The following ANK2 variants were observed in gnomAD, a reference collection of about 807,000 sequenced individuals.
ANK2 encodes ankyrin 2.
Under a neutral mutation model 360.5 loss-of-function variants are expected in ANK2, and 83 were observed. The observed-to-expected ratio is 0.23, with a 90% CI of 0.19 to 0.28. ANK2 has a LOEUF of 0.28. Ranked by LOEUF, ANK2 falls within the 10% of genes least tolerant of loss-of-function variation. The pLI, the probability that ANK2 is intolerant of heterozygous loss-of-function variation, is 1.00. For missense variants in ANK2, 4,201 were observed against 4,795.7 expected (o/e 0.88, Z 3.66); for synonymous variants, 1,740 against 1,759.5 (o/e 0.99, Z 0.28).
intron 1 of ANK2, among the ~76,000 whole-genome samples, chr4:112,851,357 C>T (rs564979351): frequency 2.0e-4 from 31 of 152,246 alleles, no homozygotes; most frequent in Non-Finnish European, 3.8e-4. Context: ...GAGGGGTGAG[C>T]GAGGAGGTGG....
chr4:113,266,430 C>G (rs1045373813), intron 14 of ANK2, among the ~76,000 whole-genome samples: 3 of 152,178 alleles, frequency 2.0e-5, no homozygotes, highest in African/African-American at 7.2e-5. Flanking sequence ...GTGCATGTGT[C>G]TTTATAGTAG....
rs1165424237 is a variant in ANK2 at position 113,383,656 on chromosome 4, A to T, written c.*2185A>T. On this transcript the variant is annotated 3_prime_UTR_variant, in exon 46 of 46. Transcript: ENST00000357077. ...GGGCATGTATTAGTTAATGGAAAAA[A>T]AAATACAACACTAACAATACATAGC... 6.6e-6 allele frequency: 1 copy of T among 152,658 alleles called. No individual in the cohort carries two copies. The highest frequency in any genetic ancestry group is 1.5e-5 in the Non-Finnish European group (1 of 68,038). The allele number at this position is 152,658 out of a possible 1,614,324, so 9.5% of individuals were successfully genotyped here. A position where few individuals can be genotyped will look rare whatever the true frequency, so the allele number is the denominator to read the frequency against.
In ANK2 at chr4:113,052,834, G is replaced by T. The variant is rs567079065; in HGVS notation, c.84+3022G>T. Among the ~76,000 whole-genome samples the T allele has an allele frequency of 3.2e-4, 49 of 152,248 alleles. No homozygotes were observed. The South Asian group carries it at 8.3e-3, about 26-fold the overall frequency. The stretch of plus-strand genomic sequence containing the variant: ...AATGCACAGGATACGGGCTTCAGTT[G>T]AGTAATTTGAAAGAGGGTTCAAGAG... On this transcript the variant is annotated intron_variant, in intron 1 of 45. Coordinates refer to ENST00000357077, the MANE Select transcript of ANK2 (RefSeq NM_001148.6).
chr4:113,281,986 A>G (rs1386693718), intron 17 of ANK2, among the ~76,000 whole-genome samples: 6 of 152,184 alleles, frequency 3.9e-5, no homozygotes, highest in Non-Finnish European at 7.3e-5. Flanking sequence ...GGATCATGTC[A>G]TGTTCACCAT....
At chr4:113,261,559 CTTAT>C (rs2052924290) in intron 13 of ANK2, among the ~76,000 whole-genome samples, 1 of 152,046 alleles carries the variant, frequency 6.6e-6, no homozygotes, top group Non-Finnish European at 1.5e-5. Flanking sequence ...TTTTCATTTT[CTTAT>C]TTATTCTTAT....
chr4:113,018,884 T>C (rs1047791629), intron 2 of ANK2, among the ~76,000 whole-genome samples: 1 of 152,232 alleles, frequency 6.6e-6, no homozygotes, highest in African/African-American at 2.4e-5. Flanking sequence ...TTTCTTGTGT[T>C]AATTCTATAA....
At chr4:112,790,566 C>T in the ANK2 span, among the ~76,000 whole-genome samples, 2 of 149,254 alleles carry the variant, frequency 1.3e-5, no homozygotes, top group Non-Finnish European at 3.0e-5. Context: ...TGGCTCACTG[C>T]AACCTCTGCC....
intron 2 of ANK2, among the ~76,000 whole-genome samples, chr4:112,908,763 T>C (rs2150980582): frequency 6.6e-6 from 1 of 152,294 alleles, no homozygotes; most frequent in African/African-American, 2.4e-5. Flanking sequence ...ACTTTGTAAG[T>C]CTGGCGCATT....
At chr4:112,993,449 C>A (rs1394875296) in intron 2 of ANK2, among the ~76,000 whole-genome samples, 2 of 151,582 alleles carry the variant, frequency 1.3e-5, no homozygotes, top group Admixed American at 1.3e-4. Context: ...TTACAGGTAG[C>A]CCGCCACCAT....
chr4:113,129,055 T>A (rs2095846164), intron 1 of ANK2, among the ~76,000 whole-genome samples: 1 of 152,080 alleles, frequency 6.6e-6, no homozygotes, highest in South Asian at 2.1e-4. Context: ...CAGCTCCCAA[T>A]GACTGAATAC....
chr4:112,799,602 C>G, the ANK2 span, among the ~76,000 whole-genome samples: 2 of 151,892 alleles, frequency 1.3e-5, no homozygotes, highest in African/African-American at 4.8e-5. Flanking sequence ...CTGCAACCTC[C>G]GCTTCCTGTA....
chr4:113,146,750 T>C (rs1349413317), intron 1 of ANK2, among the ~76,000 whole-genome samples: 1 of 152,092 alleles, frequency 6.6e-6, no homozygotes, highest in African/African-American at 2.4e-5. Context: ...TTATCTTTTA[T>C]CTGTCAGATC....
the ANK2 span, among the ~76,000 whole-genome samples, chr4:112,747,377 C>T: frequency 6.6e-6 from 1 of 152,184 alleles, no homozygotes; most frequent in African/African-American, 2.4e-5. Flanking sequence ...AAAGCCTTGT[C>T]ACGGGACTTT....
intron 32 of ANK2, among the ~76,000 whole-genome samples, chr4:113,341,130 AG>A (rs1563900519): frequency 1.3e-5 from 2 of 152,234 alleles, no homozygotes; most frequent in Admixed American, 1.3e-4. Context: ...AGCAATACTT[AG>A]GAGTTCTGGA....
rs1282470475 is a variant in ANK2, at chr4:113,185,823, T to C, written c.187-10545T>C. Among the ~76,000 whole-genome samples the C allele has an allele frequency of 2.6e-5, 4 of 152,236 alleles. 1 individual carries two copies. ...GAATGGTATTGCCTAGGTTTTCTTC[T>C]AGGGTTCTTATGGTTTTAGGTCTTA... On this transcript the variant is annotated intron_variant, in intron 2 of 45. Transcript: ENST00000357077.
In ANK2 at chr4:112,885,431, C is replaced by T. The variant is rs576655034; in HGVS notation, c.-39-19024C>T. 2.7e-3 allele frequency among the ~76,000 whole-genome samples: 395 copies of T among 148,666 alleles called. 1 individual carries two copies. Among genetic ancestry groups the T allele is most frequent in the Non-Finnish European group, 4.7e-3 (321 of 67,616 alleles). On this transcript the variant is annotated intron_variant, in intron 1 of 30. Transcript: ENST00000503271. ...GGAGAATCGCTTGAACCCGGGAAGC[C>T]GAGGTTGCAGTGAGCCGAGATCATG...
chr4:113,071,348 C>A (rs957903103), intron 1 of ANK2, among the ~76,000 whole-genome samples: 5 of 152,096 alleles, frequency 3.3e-5, no homozygotes, highest in African/African-American at 7.2e-5. Context: ...TGATAAAGGC[C>A]ATGGTAATAT....
At chr4:113,202,868 T>C (rs1217977421) in intron 4 of ANK2, among the ~76,000 whole-genome samples, 1 of 152,206 alleles carries the variant, frequency 6.6e-6, no homozygotes, top group Non-Finnish European at 1.5e-5. Flanking sequence ...ATAGTGTAAT[T>C]GATTTAGTAA....
intron 4 of ANK2, among the ~76,000 whole-genome samples, chr4:113,219,536 G>A (rs555626876): frequency 0.028 from 4,240 of 152,050 alleles, 99 homozygotes; most frequent in East Asian, 0.068. Context: ...CTACTGCTGT[G>A]TATCTTATTT....
Sources: gnomAD v4.1 joint callset for allele counts (sites outside exome capture counted in the v4.1 genomes callset) on GRCh38, gnomAD v4.1.1 for gene constraint, MANE v1.5 for transcripts, NCBI Gene and HGNC (gene_info 2026-07-23, HGNC 2026-07-21) for gene names.